The following PIWIL2 variants were observed in gnomAD, a reference collection of about 807,000 sequenced individuals.
PIWIL2 encodes the protein piwi-like protein 2.
In PIWIL2, 81 loss-of-function variants were observed where a neutral mutation model predicts 116.5. That is an observed-to-expected ratio of 0.70 (90% CI 0.58 to 0.84). PIWIL2 has a LOEUF of 0.84. PIWIL2 is among the 40% of genes least tolerant of loss of function. PIWIL2 has a pLI of 0.00. For missense variants in PIWIL2, 1,272 were observed against 1,212.3 expected, an observed-to-expected ratio of 1.05 and a Z score of -0.73; for synonymous variants, 489 against 429.5, an observed-to-expected ratio of 1.14 and a Z score of -1.71.
chr8:22,290,033 G>A (rs1401076337), intron 9 of PIWIL2, 106 bp downstream of exon 9: 1 of 780,828 alleles, frequency 1.3e-6, no homozygotes, highest in Non-Finnish European at 2.2e-6. Context: ...TTATGGTAGT[G>A]AATACAGTTT....
intron 10 of PIWIL2, among the ~76,000 whole-genome samples, chr8:22,303,437 G>A (rs1259046348): frequency 2.0e-5 from 3 of 152,162 alleles, no homozygotes; most frequent in Admixed American, 6.5e-5. Context: ...TGTCACCCAG[G>A]ATGGAGTGCA....
chr8:22,280,632 A>G (rs781024754), intron 2 of PIWIL2, among the ~76,000 whole-genome samples: 2 of 152,224 alleles, frequency 1.3e-5, no homozygotes, highest in Non-Finnish European at 2.9e-5. Context: ...AGTAGTAGAC[A>G]TTCAAGACTG....
intron 1 of PIWIL2, among the ~76,000 whole-genome samples, chr8:22,277,027 A>AT: frequency 7.5e-6 from 1 of 133,514 alleles, no homozygotes; most frequent in East Asian, 2.2e-4. Flanking sequence ...TGATATATAT[A>AT]TATATATTTT....
intron 20 of PIWIL2, among the ~76,000 whole-genome samples, chr8:22,335,072 A>G (rs13254923): frequency 6.8e-6 from 1 of 146,246 alleles, no homozygotes; most frequent in Non-Finnish European, 1.5e-5. Context: ...AAAAAAAAAA[A>G]GTCAATTTTA....
intron 9 of PIWIL2, 50 bp downstream of exon 9, chr8:22,289,977 T>C (rs1830722356): frequency 2.5e-6 from 3 of 1,211,364 alleles, no homozygotes; most frequent in Non-Finnish European, 3.7e-6. Context: ...GGAAAGAAAG[T>C]TTCCATTACA....
At chr8:22,322,721 A>G (rs1340788878) in intron 20 of PIWIL2, among the ~76,000 whole-genome samples, 1 of 151,888 alleles carries the variant, frequency 6.6e-6, no homozygotes, top group Non-Finnish European at 1.5e-5. Flanking sequence ...TTGTATTTTT[A>G]GTAGACACGG....
chr8:22,289,498 A>G (rs891194563), intron 8 of PIWIL2, among the ~76,000 whole-genome samples: 8 of 152,170 alleles, frequency 5.3e-5, no homozygotes, highest in Admixed American at 2.0e-4. Flanking sequence ...AGGAGTAAAC[A>G]TAGCTCCCTT....
At chr8:22,314,905 C>G (rs535086231) in intron 17 of PIWIL2, 124 bp from the exon 18 acceptor site, 1 of 665,260 alleles carries the variant, frequency 1.5e-6, no homozygotes, top group African/African-American at 1.8e-5. Flanking sequence ...ATTATTAATG[C>G]GAAATGTGTT....
rs553789522 is a variant in PIWIL2, at chr8:22,279,652, G to T, written c.198+68G>T. On this transcript the variant is annotated intron_variant, in intron 2 of 22. Transcript: ENST00000356766. ...CTGTGTGCCGTCAGAGGAAGTAATG[G>T]ATTTCAAAGTGCTTGCAGGGCTGGG... 43 of 1,453,954 alleles carry T rather than the reference G, an allele frequency of 3.0e-5. No homozygotes were observed. The African/African-American group carries it at 5.8e-4, about 20-fold the overall frequency. The allele number at this position is 1,453,954 out of a possible 1,614,324, so 90.1% of individuals were successfully genotyped here.
rs1323160395 is a variant in PIWIL2, at chr8:22,357,290, G to A, written c.*1785G>A. The A allele has an allele frequency of 6.6e-6, 1 of 152,162 alleles. No homozygotes were observed. The highest frequency in any genetic ancestry group is 1.5e-5 in the Non-Finnish European group (1 of 68,040). The allele number at this position is 152,162 out of a possible 1,614,324, so 9.4% of individuals were successfully genotyped here. A position where few individuals can be genotyped will look rare whatever the true frequency, so the allele number is the denominator to read the frequency against. ...GTGTGGGACATTAGGGTGAGACAAG[G>A]ACCTGGAATTTAAAAACCACAGAAT... On this transcript the variant is annotated 3_prime_UTR_variant, in exon 23 of 23. Coordinates refer to ENST00000356766, the MANE Select transcript of PIWIL2 (RefSeq NM_018068.5).
At chr8:22,287,851 T>C (rs1215331903) in intron 7 of PIWIL2, among the ~76,000 whole-genome samples, 2 of 152,192 alleles carry the variant, frequency 1.3e-5, no homozygotes, top group Admixed American at 6.5e-5. Context: ...AGAATTCCTG[T>C]ATGTTCGAGT....
intron 10 of PIWIL2, among the ~76,000 whole-genome samples, chr8:22,294,336 TAAAAAAAAAA>T: frequency 1.2e-5 from 1 of 80,686 alleles, no homozygotes; most frequent in Non-Finnish European, 2.3e-5. Context: ...AGACTGTCTT[TAAAAAAAAAA>T]AAAAAAAAAA....
chr8:22,340,237 A>T (rs1832077824), intron 20 of PIWIL2, among the ~76,000 whole-genome samples: 1 of 151,662 alleles, frequency 6.6e-6, no homozygotes, highest in Non-Finnish European at 1.5e-5. Flanking sequence ...TTGTATTTTT[A>T]GTAGAGACGG....
At chr8:22,334,282 C>CA (rs538908157) in intron 20 of PIWIL2, among the ~76,000 whole-genome samples, 8 of 151,554 alleles carry the variant, frequency 5.3e-5, no homozygotes, top group Non-Finnish European at 1.2e-4. Context: ...GCCCTGGGTA[C>CA]AAGGTTCTTT....
intron 20 of PIWIL2, among the ~76,000 whole-genome samples, chr8:22,342,167 C>T (rs1344581142): frequency 5.3e-5 from 8 of 151,922 alleles, no homozygotes; most frequent in Non-Finnish European, 7.4e-5. Context: ...CAAAGAATAT[C>T]TTAAAAATGG....
intron 14 of PIWIL2, among the ~76,000 whole-genome samples, chr8:22,309,161 C>A (rs1831263631): frequency 1.3e-5 from 2 of 151,826 alleles, no homozygotes; most frequent in African/African-American, 4.8e-5. Flanking sequence ...GGGGTTTCAC[C>A]ATCTTGGCCA....
At chr8:22,333,537 G>A (rs1341013735) in intron 20 of PIWIL2, among the ~76,000 whole-genome samples, 4 of 151,994 alleles carry the variant, frequency 2.6e-5, no homozygotes, top group South Asian at 2.1e-4. Flanking sequence ...GCTTGAACCC[G>A]GGAGGCAGAG....
intron 20 of PIWIL2, among the ~76,000 whole-genome samples, chr8:22,349,114 ACT>A (rs1334777958): frequency 6.7e-6 from 1 of 148,942 alleles, no homozygotes; most frequent in East Asian, 2.0e-4. Context: ...AGAGGCACAA[ACT>A]CTGCTCACTG....
rs769389219 is a variant in PIWIL2 at position 22,288,683 on chromosome 8, A to C, written c.986+17A>C. On this transcript the variant is annotated intron_variant, in intron 8 of 22. Coordinates refer to ENST00000356766, the MANE Select transcript of PIWIL2 (RefSeq NM_018068.5). Reference sequence around the variant, plus strand: ...TTTCCGTCGGTAAGAAAACAGCTGAAGTTCTATTGTCCTGTAACTTCAGTC... The same window carrying C: ...TTTCCGTCGGTAAGAAAACAGCTGACGTTCTATTGTCCTGTAACTTCAGTC... 2.7e-5 allele frequency: 44 copies of C among 1,602,060 alleles called. No homozygotes were observed. The highest frequency in any genetic ancestry group is 3.7e-5 in the Non-Finnish European group (43 of 1,173,648).
Sources: gnomAD v4.1 joint callset for allele counts (sites outside exome capture counted in the v4.1 genomes callset) on GRCh38, gnomAD v4.1.1 for gene constraint, MANE v1.5 for transcripts, NCBI Gene and HGNC (gene_info 2026-07-23, HGNC 2026-07-21) for gene names.